Variants in AFAP1L1 observed in about 807,000 individuals in gnomAD.
The protein encoded by AFAP1L1 is actin filament associated protein 1 like 1, also known as actin filament-associated protein 1-like 1.
A neutral mutation model predicts 99.8 loss-of-function variants in AFAP1L1; 77 were observed. The observed-to-expected ratio is 0.77, with a 90% CI of 0.64 to 0.93. The LOEUF (loss-of-function observed/expected upper bound fraction) is 0.93, where lower values mean the gene tolerates loss of function less well. Ranked by LOEUF, AFAP1L1 falls within the 40% of genes least tolerant of loss-of-function variation. The probability of loss-of-function intolerance (pLI) is 0.00; values close to 1 mark genes in which losing one functional copy is unlikely to be tolerated. For missense variants in AFAP1L1, 893 were observed against 996.8 expected (o/e 0.90, Z 1.40); for synonymous variants, 373 against 395.3 (o/e 0.94, Z 0.67).
At chr5:149,310,172 C>T (rs34618588) in intron 8 of AFAP1L1, 37 bp downstream of exon 8, 94,450 of 1,537,446 alleles carry the variant, frequency 0.061, 3,331 homozygotes, top group Non-Finnish European at 0.073. Flanking sequence ...GCCTTCTCAC[C>T]CTTTCTCTCT....
At chr5:149,295,527 A>AAGAG (rs3071611) in intron 1 of AFAP1L1, among the ~76,000 whole-genome samples, 150,639 of 151,816 alleles carry the variant, frequency 0.99, 74,746 homozygotes, top group Middle Eastern at 1. Flanking sequence ...AAAAGAAAGA[A>AAGAG]AGACAGAAGG....
intron 5 of AFAP1L1, 132 bp downstream of exon 5, chr5:149,302,658 G>A: frequency 1.2e-6 from 1 of 829,548 alleles, no homozygotes; most frequent in Non-Finnish European, 1.8e-6. Context: ...ATTGGCTTAG[G>A]AGAAGCTACC....
In AFAP1L1 at chr5:149,300,235, C is replaced by T; in HGVS notation, c.146-36C>T. ...GGACGGGGGAGACCTGGTCCCTCCT[C>T]CTTCACAGCTGGCATGTCCCCCTTC... On this transcript the variant is annotated intron_variant, in intron 2 of 18. Coordinates refer to ENST00000296721, the MANE Select transcript of AFAP1L1 (RefSeq NM_152406.4). The T allele has an allele frequency of 1.9e-6, 3 of 1,540,080 alleles. No homozygotes were observed. The South Asian group carries it at 3.5e-5, about 18-fold the overall frequency.
intron 15 of AFAP1L1, among the ~76,000 whole-genome samples, chr5:149,324,526 A>G (rs1449343141): frequency 2.0e-5 from 3 of 152,216 alleles, no homozygotes; most frequent in African/African-American, 4.8e-5. Flanking sequence ...TCATGTATTA[A>G]TTGCCTATTG....
Position 149,306,386 on chromosome 5 carries a change from G to A in AFAP1L1, c.517G>A (p.Gly173Ser), listed in dbSNP as rs370534234. Residue 173 changes from glycine (G) to serine (S), a missense_variant, in exon 6 of 19, where the codon GGC becomes AGC. Coordinates refer to ENST00000296721, the MANE Select transcript of AFAP1L1 (RefSeq NM_152406.4). ...CAGCTACCCTGCAACCAGGGTGAAC[G>A]GCGAGCTTAAGAGCTCCTGTAAGTA... ...DSSYPATRVN[G>S]ELKSSYNDSD... The A allele has an allele frequency of 1.1e-5, 17 of 1,612,144 alleles. No individual in the cohort carries two copies. The highest frequency in any genetic ancestry group is 1.0e-5 in the Non-Finnish European group (12 of 1,179,198).
chr5:149,310,226 G>T, intron 8 of AFAP1L1, 91 bp downstream of exon 8: 35 of 1,439,818 alleles, frequency 2.4e-5, no homozygotes, highest in Non-Finnish European at 3.2e-5. Context: ...GTCCCTGGAA[G>T]AGCCTCTTGC....
chr5:149,311,563 A>G (rs1324104755), intron 8 of AFAP1L1, among the ~76,000 whole-genome samples: 2 of 152,202 alleles, frequency 1.3e-5, no homozygotes, highest in African/African-American at 4.8e-5. Flanking sequence ...GTGAGCAACA[A>G]ATGGTAGCTG....
intron 1 of AFAP1L1, among the ~76,000 whole-genome samples, chr5:149,288,109 C>A (rs1163801336): frequency 6.6e-6 from 1 of 152,244 alleles, no homozygotes; most frequent in African/African-American, 2.4e-5. Flanking sequence ...ACCTAGGCCT[C>A]AGGCCAGACA....
intron 6 of AFAP1L1, among the ~76,000 whole-genome samples, chr5:149,306,984 C>T (rs1329058558): frequency 1.3e-5 from 2 of 152,022 alleles, no homozygotes; most frequent in Non-Finnish European, 1.5e-5. Context: ...TGGTGGCTCA[C>T]ACCTGTAATC....
In AFAP1L1 at chr5:149,319,727, T is replaced by C. The variant is rs1561680157; in HGVS notation, c.1625T>C (p.Leu542Pro). ...GTCAGTGCTGGGCGCAACTCCTTCC[T>C]GTAAGTGTCAGCTGCACTGGCCACA... ...SIVSAGRNSF[L>P]YARSCQNQWP... Residue 542 changes from leucine (L) to proline (P), a missense_variant and splice_region_variant, in exon 13 of 19, where the codon CTA (leucine) becomes CCA (proline). Transcript: ENST00000296721. The C allele has an allele frequency of 1.9e-6, 3 of 1,611,666 alleles. No homozygotes were observed. Among genetic ancestry groups the C allele is most frequent in the East Asian group, 2.2e-5 (1 of 44,856 alleles).
At chr5:149,285,708 T>C (rs1755657834) in intron 1 of AFAP1L1, among the ~76,000 whole-genome samples, 1 of 152,136 alleles carries the variant, frequency 6.6e-6, no homozygotes, top group South Asian at 2.1e-4. Context: ...ACACCAAACC[T>C]AATATTGTGG....
chr5:149,339,947 T>G (rs1433896006), intron 18 of AFAP1L1, 60 bp from the exon 19 acceptor site: 1 of 1,596,282 alleles, frequency 6.3e-7, no homozygotes, highest in East Asian at 2.2e-5. Flanking sequence ...TGAAATCTCT[T>G]TATCCATGTC....
chr5:149,300,695 A>G lies in AFAP1L1; in HGVS notation c.229+341A>G, dbSNP rs540425046. 6.6e-5 allele frequency among the ~76,000 whole-genome samples: 10 copies of G among 152,348 alleles called. 1 individual carries two copies. Among genetic ancestry groups the G allele is most frequent in the African/African-American group, 2.4e-4 (10 of 41,590 alleles). The stretch of plus-strand genomic sequence containing the variant: ...TGGCTCAGCAGAAATGATAGCTTGC[A>G]TGGCTGCCACGGGCATGGGAGCAGC... On this transcript the variant is annotated intron_variant, in intron 3 of 18. Transcript: ENST00000296721.
At position 149,317,759 on chromosome 5, in the gene AFAP1L1, G is replaced by A. The variant is rs1445465207; in HGVS notation, c.1298G>A (p.Trp433Ter). The A allele has an allele frequency of 6.2e-7, 1 of 1,614,034 alleles. No individual in the cohort carries two copies. The highest frequency in any genetic ancestry group is 1.7e-5 in the Admixed American group (1 of 60,006). The stretch of plus-strand genomic sequence containing the variant: ...CTGAACGTGCTGGTGAACCAGGGCT[G>A]GAAGGAACGCTGGTGCCGCCTGAAG... The part of the protein sequence containing the change: ...GYLNVLVNQG[W>*]KERWCRLKCN... The change falls in exon 12 of 19, where the codon TGG (tryptophan) becomes TAG (stop). Residue 433 changes from tryptophan (W) to a stop codon, truncating the protein, a stop_gained. Coordinates refer to ENST00000296721, the MANE Select transcript of AFAP1L1 (RefSeq NM_152406.4). LOFTEE classifies it high-confidence loss of function.
At position 149,307,478 on chromosome 5, in the gene AFAP1L1, C is replaced by T. The variant is rs1756456047; in HGVS notation, c.612C>T (p.Pro204=). The T allele has an allele frequency of 6.2e-7, 1 of 1,614,120 alleles. No individual in the cohort carries two copies. The highest frequency in any genetic ancestry group is 8.5e-7 in the Non-Finnish European group (1 of 1,180,006). Residue 204 remains proline (P), a synonymous_variant, in exon 7 of 19, where the codon CCC becomes CCT. Transcript: ENST00000296721. Reference sequence around the variant, plus strand: ...AGGAGGAAGGGAAGAGCCCGCAGCCCCGACACCAGTGGCCCTCAGAGGAGG... The same window carrying T: ...AGGAGGAAGGGAAGAGCCCGCAGCCTCGACACCAGTGGCCCTCAGAGGAGG... ...EEEEEGKSPQ[P]RHQWPSEEAS... is the part of the protein sequence containing the mutation.
In AFAP1L1 at chr5:149,330,076, A is replaced by G. The variant is rs565078861; in HGVS notation, c.1975+246A>G. Among the ~76,000 whole-genome samples the G allele has an allele frequency of 7.2e-5, 11 of 152,348 alleles. No individual in the cohort carries two copies. The South Asian group carries it at 2.3e-3, about 32-fold the overall frequency. On this transcript the variant is annotated intron_variant, in intron 16 of 18. Transcript: ENST00000296721. Reference sequence around the variant, plus strand: ...TTGGAGGATGAAAAAGCATCACAATAATGTATACACTTAATGTAGTAAGAA... The same window carrying G: ...TTGGAGGATGAAAAAGCATCACAATGATGTATACACTTAATGTAGTAAGAA...
intron 1 of AFAP1L1, among the ~76,000 whole-genome samples, chr5:149,273,803 C>A (rs368568334): frequency 6.6e-6 from 1 of 151,708 alleles, no homozygotes; most frequent in South Asian, 2.1e-4. Flanking sequence ...CCTCCCCAAC[C>A]TCTCCACCAC....
At chr5:149,322,813 T>A in intron 15 of AFAP1L1, 96 bp downstream of exon 15, 1 of 976,942 alleles carries the variant, frequency 1.0e-6, no homozygotes, top group Non-Finnish European at 1.5e-6. Context: ...GGTGGGTAAA[T>A]AAATGAGCAA....
chr5:149,325,724 T>C (rs542723445), intron 15 of AFAP1L1, among the ~76,000 whole-genome samples: 4 of 152,296 alleles, frequency 2.6e-5, no homozygotes, highest in South Asian at 4.1e-4. Flanking sequence ...GAACAGAAAT[T>C]ATTAGCTCCT....
Sources: gnomAD v4.1 joint callset for allele counts (sites outside exome capture counted in the v4.1 genomes callset) on GRCh38, gnomAD v4.1.1 for gene constraint, MANE v1.5 for transcripts, NCBI Gene and HGNC (gene_info 2026-07-23, HGNC 2026-07-21) for gene names.